The following TMEM177 variants were observed in gnomAD, a reference collection of about 807,000 sequenced individuals.
The protein encoded by TMEM177 is transmembrane protein 177.
In TMEM177, 4 loss-of-function variants were observed where a neutral mutation model predicts 14.2. The observed-to-expected ratio is 0.28, with a 90% CI of 0.14 to 0.64. The LOEUF is 0.64. Ranked by LOEUF, TMEM177 falls within the 30% of genes least tolerant of loss-of-function variation. TMEM177 has a pLI of 0.82. For missense variants in TMEM177, 344 were observed against 405.2 expected (o/e 0.85, Z 1.30); for synonymous variants, 179 against 174.5 (o/e 1.03, Z -0.20).
chr2:119,710,906 G>A, the TMEM177 span, among the ~76,000 whole-genome samples: 6 of 152,066 alleles, frequency 3.9e-5, no homozygotes, highest in East Asian at 1.9e-4. Context: ...CACCACGCCC[G>A]GCCCAACACC....
At chr2:119,679,334 C>G (rs2104843378) in intron 1 of TMEM177, 58 bp downstream of exon 1, 1 of 152,320 alleles carries the variant, frequency 6.6e-6, no homozygotes, top group South Asian at 2.1e-4. Context: ...GTAGCGAGGA[C>G]CCCTCTGCGG....
At chr2:119,701,388 G>C in the TMEM177 span, among the ~76,000 whole-genome samples, 2 of 152,170 alleles carry the variant, frequency 1.3e-5, no homozygotes, top group African/African-American at 4.8e-5. Flanking sequence ...CGGGTTCTGG[G>C]TCCTGCCTCC....
the TMEM177 span, among the ~76,000 whole-genome samples, chr2:119,723,589 C>G: frequency 3.9e-5 from 6 of 152,220 alleles, no homozygotes; most frequent in Non-Finnish European, 8.8e-5. Flanking sequence ...TTTTGCTTAA[C>G]TGTCATTAAA....
rs1164086426 is a variant in TMEM177 at position 119,681,369 on chromosome 2, G to T, written c.516G>T (p.Leu172=). The part of the protein sequence containing the change: ...ESSTTAVHAL[L]APACLAGTWA... ...GTACCACTGCCGTGCACGCCCTGCT[G>T]GCCCCAGCTTGCCTGGCAGGGACCT... The change falls in exon 2 of 2, where the codon CTG becomes CTT. Residue 172 remains leucine, a synonymous_variant. Coordinates refer to ENST00000272521, the MANE Select transcript of TMEM177 (RefSeq NM_030577.3). 1.2e-6 allele frequency: 2 copies of T among 1,613,856 alleles called. No individual in the cohort carries two copies. The highest frequency in any genetic ancestry group is 1.3e-5 in the African/African-American group (1 of 75,078).
At chr2:119,694,222 TACC>T in the TMEM177 span, among the ~76,000 whole-genome samples, 1 of 146,584 alleles carries the variant, frequency 6.8e-6, no homozygotes, top group South Asian at 2.3e-4. Flanking sequence ...CACAAACACA[TACC>T]ACATACATAT....
chr2:119,689,872 C>G (rs944060469), downstream of TMEM177, among the ~76,000 whole-genome samples: 3 of 152,170 alleles, frequency 2.0e-5, no homozygotes, highest in Non-Finnish European at 4.4e-5. Context: ...ACTATTATAA[C>G]AACAGAGGGT....
the TMEM177 span, among the ~76,000 whole-genome samples, chr2:119,694,571 C>G: frequency 6.6e-6 from 1 of 152,352 alleles, no homozygotes; most frequent in African/African-American, 2.4e-5. Context: ...TGCTGTTGGC[C>G]GGGCACTGTC....
the TMEM177 span, among the ~76,000 whole-genome samples, chr2:119,697,990 G>A: frequency 6.6e-6 from 1 of 152,124 alleles, no homozygotes; most frequent in Non-Finnish European, 1.5e-5. Flanking sequence ...TTATTTTTAG[G>A]GGAAATGAAT....
chr2:119,694,078 TACAC>T, the TMEM177 span, among the ~76,000 whole-genome samples: 124 of 12,494 alleles, frequency 9.9e-3, 1 homozygote, highest in Middle Eastern at 0.071. Context: ...ACACACAACA[TACAC>T]ACCACACACA....
chr2:119,705,449 C>T, the TMEM177 span, among the ~76,000 whole-genome samples: 28 of 152,266 alleles, frequency 1.8e-4, no homozygotes, highest in African/African-American at 5.5e-4. Context: ...TGTCGCCTTA[C>T]GGTTGTAGGA....
the TMEM177 span, among the ~76,000 whole-genome samples, chr2:119,701,806 T>G: frequency 6.6e-5 from 10 of 152,300 alleles, no homozygotes; most frequent in Non-Finnish European, 5.9e-5. Context: ...ATAGGAAGGC[T>G]TGGGAAGTGG....
chr2:119,714,850 C>T, the TMEM177 span, among the ~76,000 whole-genome samples: 11 of 152,322 alleles, frequency 7.2e-5, no homozygotes, highest in East Asian at 3.9e-4. Flanking sequence ...GGGACTTAAT[C>T]GTGAAATTGG....
At chr2:119,700,927 G>A in the TMEM177 span, among the ~76,000 whole-genome samples, 1 of 152,212 alleles carries the variant, frequency 6.6e-6, no homozygotes, top group African/African-American at 2.4e-5. Context: ...GGCCAGGCCT[G>A]TGCTGGCAAC....
chr2:119,692,145 C>T, the TMEM177 span, among the ~76,000 whole-genome samples: 1 of 152,360 alleles, frequency 6.6e-6, no homozygotes, highest in South Asian at 2.1e-4. Context: ...ATTTTGAATG[C>T]AGCCCTAAGG....
chr2:119,716,082 A>G, the TMEM177 span, among the ~76,000 whole-genome samples: 1 of 152,216 alleles, frequency 6.6e-6, no homozygotes, highest in Admixed American at 6.5e-5. Context: ...GGAGTTGGAC[A>G]ACACACGAGC....
the TMEM177 span, among the ~76,000 whole-genome samples, chr2:119,702,926 C>G: frequency 2.4e-4 from 36 of 152,348 alleles, no homozygotes; most frequent in South Asian, 7.0e-3. Context: ...GGTACCAGAG[C>G]CTGGGTGCAT....
At chr2:119,699,879 G>A in the TMEM177 span, 1 of 437,374 alleles carries the variant, frequency 2.3e-6, no homozygotes, top group South Asian at 1.7e-5. Context: ...AGTTTTTGTT[G>A]CACTAGCTTA....
At chr2:119,709,714 A>G in the TMEM177 span, among the ~76,000 whole-genome samples, 1 of 152,090 alleles carries the variant, frequency 6.6e-6, no homozygotes, top group African/African-American at 2.4e-5. Context: ...AGTCCCAGCT[A>G]CTTGGGAGGC....
At chr2:119,710,799 A>T in the TMEM177 span, among the ~76,000 whole-genome samples, 1 of 150,518 alleles carries the variant, frequency 6.6e-6, no homozygotes, top group South Asian at 2.1e-4. Context: ...TTTAGTAGAG[A>T]CGGTGTTTCA....
Sources: allele counts gnomAD v4.1 joint callset (sites outside exome capture counted in the v4.1 genomes callset), GRCh38; gene constraint gnomAD v4.1.1; transcripts MANE v1.5; gene names NCBI Gene and HGNC (gene_info 2026-07-23, HGNC 2026-07-21).